CDH13: variants seen among roughly 807,000 people sequenced by gnomAD.
CDH13 encodes the protein cadherin 13.
A neutral mutation model predicts 63.8 loss-of-function variants in CDH13; 24 were observed. That is an observed-to-expected ratio of 0.38 (90% confidence interval 0.27 to 0.53). The LOEUF (loss-of-function observed/expected upper bound fraction) is 0.53. Ranked by LOEUF, CDH13 falls within the 20% of genes least tolerant of loss-of-function variation. CDH13 has a pLI of 0.85. For missense variants in CDH13, 1,049 were observed against 903.1 expected (o/e 1.16, Z -2.07); for synonymous variants, 503 against 355.3 (o/e 1.42, Z -4.67).
At chr16:83,248,203 A>G (rs960726404) in intron 5 of CDH13, among the ~76,000 whole-genome samples, 1 of 152,132 alleles carries the variant, frequency 6.6e-6, no homozygotes, top group Non-Finnish European at 1.5e-5. Flanking sequence ...CAGGGAGAGC[A>G]TCAAGGAGGG....
intron 7 of CDH13, among the ~76,000 whole-genome samples, chr16:83,561,026 T>C (rs1167264438): frequency 5.9e-5 from 9 of 152,190 alleles, no homozygotes. Context: ...TCTGGAGGTT[T>C]TTCTTAATTA....
At chr16:83,068,273 C>T (rs1473357348) in intron 3 of CDH13, among the ~76,000 whole-genome samples, 1 of 152,282 alleles carries the variant, frequency 6.6e-6, no homozygotes, top group South Asian at 2.1e-4. Flanking sequence ...CTAAAAAACC[C>T]TAAGGTTTTG....
intron 7 of CDH13, among the ~76,000 whole-genome samples, chr16:83,563,848 C>T (rs868277147): frequency 6.6e-6 from 1 of 152,186 alleles, no homozygotes; most frequent in African/African-American, 2.4e-5. Flanking sequence ...GGCACCACTA[C>T]TATCCAGAAA....
intron 2 of CDH13, among the ~76,000 whole-genome samples, chr16:82,898,533 G>T (rs1436596722): frequency 6.6e-6 from 1 of 152,296 alleles, no homozygotes; most frequent in East Asian, 1.9e-4. Context: ...TCAAAAAAAT[G>T]AACATATGGT....
intron 6 of CDH13, among the ~76,000 whole-genome samples, chr16:83,350,773 C>T (rs1016887001): frequency 2.0e-5 from 3 of 152,146 alleles, no homozygotes; most frequent in African/African-American, 7.2e-5. Context: ...GGGGCCAAAC[C>T]TAGTCTTGTA....
At chr16:82,938,972 A>C (rs906260750) in intron 2 of CDH13, among the ~76,000 whole-genome samples, 1 of 152,166 alleles carries the variant, frequency 6.6e-6, no homozygotes, top group South Asian at 2.1e-4. Flanking sequence ...ATACACAGGA[A>C]GATTCATCTT....
intron 2 of CDH13, among the ~76,000 whole-genome samples, chr16:83,008,923 A>G (rs1352826093): frequency 1.3e-5 from 2 of 152,190 alleles, no homozygotes; most frequent in Non-Finnish European, 2.9e-5. Context: ...AAGGGGAAGC[A>G]AACACGTCCA....
At chr16:83,609,210 A>T (rs1428886638) in intron 8 of CDH13, among the ~76,000 whole-genome samples, 1 of 152,154 alleles carries the variant, frequency 6.6e-6, no homozygotes, top group African/African-American at 2.4e-5. Flanking sequence ...CCCAACACAA[A>T]TTCGTAAACT....
chr16:83,778,747 A>T (rs997667265), intron 11 of CDH13, among the ~76,000 whole-genome samples: 2 of 152,100 alleles, frequency 1.3e-5, no homozygotes, highest in Non-Finnish European at 2.9e-5. Flanking sequence ...AGCTTTCTAA[A>T]TCTGTCCTGT....
intron 1 of CDH13, among the ~76,000 whole-genome samples, chr16:82,728,054 C>T (rs889675049): frequency 1.3e-5 from 2 of 152,164 alleles, no homozygotes; most frequent in African/African-American, 2.4e-5. Context: ...ATTATGTCTG[C>T]TTCCTCTGGA....
At chr16:83,526,162 C>T (rs566561751) in intron 7 of CDH13, among the ~76,000 whole-genome samples, 4 of 152,328 alleles carry the variant, frequency 2.6e-5, no homozygotes, top group Admixed American at 6.5e-5. Flanking sequence ...CCACCACCTT[C>T]GAACCAGCTT....
At chr16:82,976,435 G>A (rs1036059799) in intron 2 of CDH13, among the ~76,000 whole-genome samples, 11 of 152,250 alleles carry the variant, frequency 7.2e-5, no homozygotes, top group Admixed American at 7.2e-4. Flanking sequence ...AGCTCCAGGC[G>A]CTTTTCCAGT....
intron 2 of CDH13, among the ~76,000 whole-genome samples, chr16:82,924,593 G>A (rs8050659): frequency 0.37 from 55,919 of 151,844 alleles, 11,215 homozygotes; most frequent in Non-Finnish European, 0.45. Flanking sequence ...AGCACCTTAC[G>A]AAAAGCCACC....
At chr16:83,412,935 A>G (rs900920560) in intron 6 of CDH13, among the ~76,000 whole-genome samples, 4 of 152,220 alleles carry the variant, frequency 2.6e-5, no homozygotes, top group African/African-American at 9.6e-5. Context: ...ACTGTGTTGT[A>G]TTACCATTAG....
chr16:82,932,202 C>T (rs868436610), intron 2 of CDH13, among the ~76,000 whole-genome samples: 1 of 152,082 alleles, frequency 6.6e-6, no homozygotes, highest in Admixed American at 6.5e-5. Context: ...AAGATTGTTG[C>T]TATATTTTTA....
chr16:83,431,204 A>G (rs1205452571), intron 6 of CDH13, among the ~76,000 whole-genome samples: 1 of 151,416 alleles, frequency 6.6e-6, no homozygotes. Context: ...CATTTTCTTA[A>G]TCCAGTCTAT....
chr16:83,052,557 A>G (rs1396750215), intron 3 of CDH13, among the ~76,000 whole-genome samples: 1 of 152,212 alleles, frequency 6.6e-6, no homozygotes, highest in Non-Finnish European at 1.5e-5. Context: ...AGGCGGGCAG[A>G]TCACCTGGGG....
At chr16:83,251,532 G>C (rs1905530172) in intron 5 of CDH13, among the ~76,000 whole-genome samples, 1 of 152,206 alleles carries the variant, frequency 6.6e-6, no homozygotes, top group African/African-American at 2.4e-5. Context: ...ACACATGTCT[G>C]TTCTGTCCTC....
At chr16:82,993,807 T>C (rs1381203770) in intron 2 of CDH13, among the ~76,000 whole-genome samples, 1 of 152,156 alleles carries the variant, frequency 6.6e-6, no homozygotes, top group African/African-American at 2.4e-5. Context: ...CAGGTTTTCC[T>C]GAAACGTCAT....
Sources: allele counts gnomAD v4.1 joint callset (sites outside exome capture counted in the v4.1 genomes callset), GRCh38; gene constraint gnomAD v4.1.1; transcripts MANE v1.5; gene names NCBI Gene and HGNC (gene_info 2026-07-23, HGNC 2026-07-21).